The following SLC2A3 variants were observed in gnomAD, a reference collection of about 807,000 sequenced individuals.
SLC2A3 encodes solute carrier family 2 member 3.
SLC2A3 carries 21 observed loss-of-function variants against 46.4 expected under a neutral mutation model. The ratio of observed to expected loss-of-function variants is 0.45; its 90% CI spans 0.32 to 0.65. The LOEUF (loss-of-function observed/expected upper bound fraction) is 0.65. Ranked by LOEUF, SLC2A3 falls within the 30% of genes least tolerant of loss-of-function variation. The probability of loss-of-function intolerance (pLI) is 0.04; values close to 1 mark genes in which losing one functional copy is unlikely to be tolerated. For synonymous variants in SLC2A3, 213 were observed against 239.4 expected (o/e 0.89, Z 1.02); for missense variants, 499 against 623.3 (o/e 0.80, Z 2.12).
At position 7,933,805 on chromosome 12, in the gene SLC2A3, C is replaced by T. The variant is rs1458025108; in HGVS notation, c.108+5G>A. On this transcript the variant is annotated splice_donor_5th_base_variant and intron_variant, in intron 2 of 9. Transcript: ENST00000075120. The stretch of plus-strand genomic sequence containing the variant: ...AAATTCTAATTATTGTGGCCTGGCA[C>T]TCACCTTCTCAGGAGCATTGATGAC... The T allele has an allele frequency of 6.2e-7, 1 of 1,612,254 alleles. No homozygotes were observed. Among genetic ancestry groups the T allele is most frequent in the Admixed American group, 1.7e-5 (1 of 59,824 alleles).
Position 7,922,956 on chromosome 12 carries a change from A to C in SLC2A3, c.1137T>G (p.Ile379Met), listed in dbSNP as rs1213653378. 6.2e-7 allele frequency: 1 copy of C among 1,614,022 alleles called. No individual in the cohort carries two copies. Among genetic ancestry groups the C allele is most frequent in the Non-Finnish European group, 8.5e-7 (1 of 1,180,028 alleles). ...TAAACCAGGGAATGGGGCCTGGTCC[A>C]ATTTCAAAGAAGGCTACAAAGACCA... ...AILVFVAFFEIGPGPIPWFIV... is the reference protein window; with the variant it reads ...AILVFVAFFEMGPGPIPWFIV... Residue 379 changes from isoleucine (I) to methionine (M), a missense_variant, in exon 9 of 10, where the codon ATT becomes ATG. Physicochemically the swap from Ile to Met is conservative, Grantham distance 10. Transcript: ENST00000075120.
intron 9 of SLC2A3, 114 bp from the exon 10 acceptor site, chr12:7,921,745 T>A: frequency 1.7e-6 from 2 of 1,160,450 alleles, no homozygotes; most frequent in Non-Finnish European, 2.4e-6. Flanking sequence ...CTTCCATATT[T>A]AATGAAAACA....
At chr12:7,926,049 T>C (rs1946091792) in intron 6 of SLC2A3, 101 bp from the exon 7 acceptor site, 1 of 935,504 alleles carries the variant, frequency 1.1e-6, no homozygotes. Flanking sequence ...AAGAAGTCCT[T>C]TTTCTAGGTT....
chr12:7,921,418 C>A lies in SLC2A3; in HGVS notation c.1486G>T (p.Val496Phe), dbSNP rs142462576. ...GAGGTGGAAGGAGGCACGACTTAGACATTGGTGGTGGTCTCCTTAGCAGGC... is the reference window on the plus strand; with the variant it reads ...GAGGTGGAAGGAGGCACGACTTAGAAATTGGTGGTGGTCTCCTTAGCAGGC... Reference protein sequence around the residue: ...IEPAKETTTNV With the variant: ...IEPAKETTTNF The change falls in exon 10 of 10, where the codon GTC (valine) becomes TTC (phenylalanine). Residue 496 changes from valine to phenylalanine, a missense_variant. Transcript: ENST00000075120. 111 of 1,613,922 alleles carry A rather than the reference C, an allele frequency of 6.9e-5. 1 individual carries two copies. The highest frequency in any genetic ancestry group is 9.1e-5 in the Non-Finnish European group (107 of 1,179,950).
At chr12:7,923,956 C>G (rs764580258) in intron 8 of SLC2A3, among the ~76,000 whole-genome samples, 1 of 151,546 alleles carries the variant, frequency 6.6e-6, no homozygotes, top group South Asian at 2.1e-4. Flanking sequence ...TTAATAGAGA[C>G]GGGGTTTCTC....
intron 6 of SLC2A3, among the ~76,000 whole-genome samples, chr12:7,928,565 A>C (rs780425461): frequency 3.3e-5 from 5 of 151,696 alleles, no homozygotes; most frequent in Non-Finnish European, 7.4e-5. Flanking sequence ...GCATTCTTTC[A>C]TTCTTTCTTT....
intron 1 of SLC2A3, among the ~76,000 whole-genome samples, chr12:7,935,742 A>C (rs916043254): frequency 3.9e-5 from 6 of 152,072 alleles, no homozygotes; most frequent in African/African-American, 1.4e-4. Flanking sequence ...CTAAACACTC[A>C]ACCATCTCGT....
rs751247091 is a variant in SLC2A3, at chr12:7,934,047, G to A, written c.16-145C>T. The A allele has an allele frequency of 7.1e-6, 5 of 701,364 alleles. No individual in the cohort carries two copies. In the Admixed American group the frequency reaches 1.2e-4, roughly 17 times the overall value. The allele number at this position is 701,364 out of a possible 1,614,324, so 43.4% of individuals were successfully genotyped here. A position where few individuals can be genotyped will look rare whatever the true frequency, so the allele number is the denominator to read the frequency against. On this transcript the variant is annotated intron_variant, in intron 1 of 9. Coordinates refer to ENST00000075120, the MANE Select transcript of SLC2A3 (RefSeq NM_006931.3). ...TCCAATGAGATTTAGGTAATTAATG[G>A]GGAAGACAAAGGAATAGATTATACT... is the stretch of plus-strand genomic sequence containing the variant.
At chr12:7,930,792 G>GTT (rs66814289) in intron 4 of SLC2A3, 150 bp from the exon 5 acceptor site, 3,044 of 245,748 alleles carry the variant, frequency 0.012, 5 homozygotes, top group South Asian at 0.016. Flanking sequence ...ACTCAGCATG[G>GTT]TTTTTTTTTT....
intron 1 of SLC2A3, among the ~76,000 whole-genome samples, chr12:7,934,425 G>A (rs2121203195): frequency 6.6e-6 from 1 of 152,036 alleles, no homozygotes. Flanking sequence ...TAACCTACTG[G>A]ATCTACTCAC....
Position 7,925,995 on chromosome 12 carries a change from G to A in SLC2A3, c.862-47C>T, listed in dbSNP as rs1287058622. The A allele has an allele frequency of 2.0e-6, 3 of 1,482,038 alleles. No individual in the cohort carries two copies. The African/African-American group carries it at 4.2e-5, about 21-fold the overall frequency. 91.8% of individuals were successfully genotyped at this position (1,482,038 alleles called of 1,614,324 possible). ...AGCTTTGATGCAATTCTGCACACCAGTTACACAGAACCCTCAAAAATAAAC... is the reference window on the plus strand; with the variant it reads ...AGCTTTGATGCAATTCTGCACACCAATTACACAGAACCCTCAAAAATAAAC... On this transcript the variant is annotated intron_variant, in intron 6 of 9. Transcript: ENST00000075120.
intron 6 of SLC2A3, chr12:7,929,447 C>A: frequency 1.7e-6 from 1 of 582,808 alleles, no homozygotes; most frequent in South Asian, 3.0e-5. Flanking sequence ...AGTGTCCTTC[C>A]AGGGTCTTTT....
chr12:7,930,882 TGCCTACCGGGTTCACGCCATTCTCCC>T (rs1016633600), intron 4 of SLC2A3, among the ~76,000 whole-genome samples: 6 of 144,654 alleles, frequency 4.1e-5, no homozygotes, highest in Non-Finnish European at 7.5e-5. Context: ...CTGCAAACTC[TGCCTACCGGGTTCACGCCATTCTCCC>T]GCCTCAGCCT....
chr12:7,930,819 C>T (rs1443694553), intron 4 of SLC2A3, among the ~76,000 whole-genome samples, 177 bp from the exon 5 acceptor site: 39 of 105,022 alleles, frequency 3.7e-4, no homozygotes, highest in Non-Finnish European at 8.9e-5. Flanking sequence ...TTTTTTGAGA[C>T]GGAGTCTTGC....
intron 3 of SLC2A3, among the ~76,000 whole-genome samples, chr12:7,932,038 G>A (rs1025221581): frequency 1.3e-5 from 2 of 151,692 alleles, no homozygotes; most frequent in Admixed American, 1.3e-4. Flanking sequence ...ATGCCACCAC[G>A]CCCGGCTAAT....
At chr12:7,931,645 G>A (rs1294553844) in intron 3 of SLC2A3, among the ~76,000 whole-genome samples, 160 bp from the exon 4 acceptor site, 1 of 151,058 alleles carries the variant, frequency 6.6e-6, no homozygotes, top group African/African-American at 2.4e-5. Context: ...ATTTCTAGTT[G>A]GGAACCAGGT....
At chr12:7,929,501 G>T in intron 6 of SLC2A3, 183 bp downstream of exon 6, 11 of 771,016 alleles carry the variant, frequency 1.4e-5, no homozygotes, top group South Asian at 5.3e-5. Context: ...GTCTCACTCT[G>T]TCTCCCAGGC....
At chr12:7,932,481 T>C (rs1435960586) in intron 3 of SLC2A3, among the ~76,000 whole-genome samples, 4 of 152,184 alleles carry the variant, frequency 2.6e-5, no homozygotes, top group Non-Finnish European at 4.4e-5. Flanking sequence ...CCGTGCCTAA[T>C]TGGCAAATTA....
intron 8 of SLC2A3, among the ~76,000 whole-genome samples, chr12:7,923,524 A>T (rs1946061310): frequency 6.6e-6 from 1 of 152,118 alleles, no homozygotes; most frequent in Admixed American, 6.6e-5. Context: ...CTGAGGCAGC[A>T]GAAACACTTA....
Sources: allele counts gnomAD v4.1 joint callset (sites outside exome capture counted in the v4.1 genomes callset), GRCh38; gene constraint gnomAD v4.1.1; transcripts MANE v1.5; gene names NCBI Gene and HGNC (gene_info 2026-07-23, HGNC 2026-07-21).